Variants in TENM4 observed in about 807,000 individuals in gnomAD.
The protein encoded by TENM4 is teneurin transmembrane protein 4, also known as teneurin-4.
In TENM4, 82 loss-of-function variants were observed where a neutral mutation model predicts 243.3. That is an observed-to-expected ratio of 0.34 (90% CI 0.28 to 0.40). The LOEUF is 0.40. Ranked by LOEUF, TENM4 falls within the 10% of genes least tolerant of loss-of-function variation. The pLI is 1.00. For synonymous variants in TENM4, 1,412 were observed against 1,456.3 expected (o/e 0.97, Z 0.69); for missense variants, 3,138 against 3,673.3 (o/e 0.85, Z 3.77).
intron 31 of TENM4, 63 bp from the exon 32 acceptor site, chr11:78,670,614 T>G: frequency 1.4e-6 from 2 of 1,453,198 alleles, no homozygotes; most frequent in Non-Finnish European, 1.9e-6. Context: ...TAGGTCTACA[T>G]ACCCGAGACT....
intron 6 of TENM4, among the ~76,000 whole-genome samples, chr11:79,053,769 C>T (rs913764954): frequency 6.6e-6 from 1 of 152,168 alleles, no homozygotes; most frequent in African/African-American, 2.4e-5. Flanking sequence ...GTAATTGCTG[C>T]CTCCTGGGCT....
chr11:79,065,338 C>T (rs1163570501), intron 5 of TENM4, among the ~76,000 whole-genome samples: 2 of 152,226 alleles, frequency 1.3e-5, no homozygotes, highest in East Asian at 1.9e-4. Context: ...TCATACTGCA[C>T]AGTAGAGTTG....
chr11:79,176,757 G>C (rs576892351), intron 3 of TENM4, among the ~76,000 whole-genome samples: 1 of 152,290 alleles, frequency 6.6e-6, no homozygotes, highest in East Asian at 1.9e-4. Context: ...GTTATATAGT[G>C]TATAGTCAGT....
chr11:79,322,948 A>G (rs1420814630), intron 1 of TENM4, among the ~76,000 whole-genome samples: 2 of 152,228 alleles, frequency 1.3e-5, no homozygotes, highest in Admixed American at 1.3e-4. Flanking sequence ...TACAACATTC[A>G]GTGTCTCTTG....
intron 6 of TENM4, among the ~76,000 whole-genome samples, chr11:78,939,202 C>T (rs1856841880): frequency 6.6e-6 from 1 of 152,198 alleles, no homozygotes; most frequent in Admixed American, 6.5e-5. Context: ...CACTCAGTCT[C>T]CCGAGGAACA....
intron 1 of TENM4, among the ~76,000 whole-genome samples, chr11:79,383,578 T>G (rs1411400933): frequency 1.3e-5 from 2 of 152,178 alleles, no homozygotes; most frequent in African/African-American, 4.8e-5. Flanking sequence ...ACCACCTCAC[T>G]GGTGTGTCTT....
At chr11:79,078,084 CCA>C (rs1487123171) in intron 4 of TENM4, among the ~76,000 whole-genome samples, 1 of 152,186 alleles carries the variant, frequency 6.6e-6, no homozygotes, top group Non-Finnish European at 1.5e-5. Flanking sequence ...AGAGAGACTT[CCA>C]CAGACAGTAC....
At chr11:79,336,690 A>G (rs530301437) in intron 1 of TENM4, among the ~76,000 whole-genome samples, 1 of 152,354 alleles carries the variant, frequency 6.6e-6, no homozygotes, top group African/African-American at 2.4e-5. Context: ...TGAACATGCA[A>G]TAATTAAGGT....
intron 2 of TENM4, among the ~76,000 whole-genome samples, chr11:79,278,671 T>C (rs966904547): frequency 5.9e-5 from 9 of 152,206 alleles, no homozygotes; most frequent in African/African-American, 2.2e-4. Context: ...TCCAGAAACC[T>C]TTCCTGGACC....
intron 3 of TENM4, among the ~76,000 whole-genome samples, chr11:79,153,793 C>T (rs561922952): frequency 6.6e-5 from 10 of 152,206 alleles, no homozygotes; most frequent in Non-Finnish European, 1.3e-4. Context: ...TGTGGGTCTA[C>T]GAGGCCCCCT....
chr11:79,160,871 G>A (rs115785571), intron 3 of TENM4, among the ~76,000 whole-genome samples: 15 of 152,108 alleles, frequency 9.9e-5, no homozygotes, highest in South Asian at 4.2e-4. Flanking sequence ...TAGATTTCCC[G>A]GATTCCCTTG....
chr11:79,169,038 T>C (rs1174723131), intron 3 of TENM4, among the ~76,000 whole-genome samples: 1 of 152,194 alleles, frequency 6.6e-6, no homozygotes, highest in Non-Finnish European at 1.5e-5. Flanking sequence ...TCATCCCCTT[T>C]CACCCAGGAC....
At chr11:79,422,797 C>G (rs1023394978) in intron 1 of TENM4, among the ~76,000 whole-genome samples, 13 of 152,166 alleles carry the variant, frequency 8.5e-5, no homozygotes, top group Admixed American at 8.5e-4. Flanking sequence ...GGGGCAGGGA[C>G]TGTGGCCCAG....
intron 15 of TENM4, among the ~76,000 whole-genome samples, chr11:78,799,209 G>A (rs2136069781): frequency 6.6e-6 from 1 of 152,132 alleles, no homozygotes; most frequent in Non-Finnish European, 1.5e-5. Flanking sequence ...GTTGTTTGGG[G>A]TTAATGTGTC....
intron 12 of TENM4, among the ~76,000 whole-genome samples, chr11:78,819,053 C>A (rs925608642): frequency 3.5e-4 from 53 of 151,620 alleles, no homozygotes; most frequent in Non-Finnish European, 6.8e-4. Flanking sequence ...TTAGCTCATT[C>A]TCTGGACATG....
At chr11:79,178,831 C>T (rs1052755943) in intron 3 of TENM4, among the ~76,000 whole-genome samples, 3 of 152,190 alleles carry the variant, frequency 2.0e-5, no homozygotes, top group African/African-American at 7.2e-5. Context: ...AGCCATCACC[C>T]CCATGAAGCC....
intron 2 of TENM4, among the ~76,000 whole-genome samples, chr11:79,261,089 C>G (rs1855787978): frequency 6.6e-6 from 1 of 152,174 alleles, no homozygotes; most frequent in African/African-American, 2.4e-5. Flanking sequence ...GGGCAGTATT[C>G]CTATTTGCCT....
chr11:79,133,434 T>C (rs903289837), intron 4 of TENM4, among the ~76,000 whole-genome samples: 1 of 152,172 alleles, frequency 6.6e-6, no homozygotes, highest in East Asian at 1.9e-4. Flanking sequence ...CAAAGAAGAA[T>C]AGGTACCAAT....
At chr11:78,783,237 T>G (rs1368613770) in intron 16 of TENM4, among the ~76,000 whole-genome samples, 1 of 152,224 alleles carries the variant, frequency 6.6e-6, no homozygotes, top group African/African-American at 2.4e-5. Context: ...CCAGACTTCA[T>G]GGATCCATAA....
Sources: allele counts gnomAD v4.1 joint callset (sites outside exome capture counted in the v4.1 genomes callset), GRCh38; gene constraint gnomAD v4.1.1; transcripts MANE v1.5; gene names NCBI Gene and HGNC (gene_info 2026-07-23, HGNC 2026-07-21).